The following CSGALNACT1 variants were observed in gnomAD, a reference collection of about 807,000 sequenced individuals.
CSGALNACT1 encodes chondroitin sulfate N-acetylgalactosaminyltransferase 1.
CSGALNACT1 carries 52 observed loss-of-function variants against 51.0 expected under a neutral mutation model. The ratio of observed to expected loss-of-function variants is 1.02; its 90% CI spans 0.82 to 1.29. The LOEUF is 1.29. CSGALNACT1 is among the 50% of genes most tolerant of loss of function. The probability of loss-of-function intolerance (pLI) is 0.00; values close to 1 mark genes in which losing one functional copy is unlikely to be tolerated. For synonymous variants in CSGALNACT1, 341 were observed against 254.4 expected (o/e 1.34, Z -3.24); for missense variants, 935 against 679.2 (o/e 1.38, Z -4.19).
chr8:19,574,546 C>T (rs1194940754), intron 3 of CSGALNACT1, among the ~76,000 whole-genome samples: 1 of 152,180 alleles, frequency 6.6e-6, no homozygotes, highest in Non-Finnish European at 1.5e-5. Flanking sequence ...TGGACAGTAA[C>T]AGGGCAGCCA....
intron 1 of CSGALNACT1, among the ~76,000 whole-genome samples, chr8:19,721,620 C>G (rs1027697537): frequency 6.6e-6 from 1 of 152,156 alleles, no homozygotes; most frequent in African/African-American, 2.4e-5. Context: ...TGGGCCACTT[C>G]ACACTAAAAT....
chr8:19,557,796 C>G (rs1325361738), intron 3 of CSGALNACT1, among the ~76,000 whole-genome samples: 1 of 152,126 alleles, frequency 6.6e-6, no homozygotes, highest in Non-Finnish European at 1.5e-5. Flanking sequence ...TTGTCAATCT[C>G]CTATCCTGAA....
At chr8:19,707,893 T>C (rs1321981878) in intron 1 of CSGALNACT1, among the ~76,000 whole-genome samples, 1 of 152,002 alleles carries the variant, frequency 6.6e-6, no homozygotes, top group Non-Finnish European at 1.5e-5. Flanking sequence ...CCCAGCTACT[T>C]GGGAGGCTAA....
intron 1 of CSGALNACT1, among the ~76,000 whole-genome samples, chr8:19,627,508 TAC>T (rs1340597722): frequency 6.6e-6 from 1 of 151,880 alleles, no homozygotes; most frequent in African/African-American, 2.4e-5. Context: ...CATAAAACTA[TAC>T]ACACACACAA....
At chr8:19,429,934 A>C (rs1322096847) in intron 6 of CSGALNACT1, among the ~76,000 whole-genome samples, 1 of 152,146 alleles carries the variant, frequency 6.6e-6, no homozygotes, top group African/African-American at 2.4e-5. Flanking sequence ...TGTAGTTTGC[A>C]TTGTAGGTTT....
chr8:19,570,793 G>A (rs1403591621), intron 3 of CSGALNACT1, among the ~76,000 whole-genome samples: 3 of 152,176 alleles, frequency 2.0e-5, no homozygotes, highest in African/African-American at 4.8e-5. Context: ...CCAGCTACTT[G>A]GGAGGCTGAA....
intron 3 of CSGALNACT1, among the ~76,000 whole-genome samples, chr8:19,552,506 A>C (rs1272541932): frequency 6.6e-6 from 1 of 152,056 alleles, no homozygotes; most frequent in African/African-American, 2.4e-5. Flanking sequence ...TTTTTTGTCT[A>C]ATAGAAACAT....
chr8:19,418,626 CACAGAGCCAT>C lies in CSGALNACT1; in HGVS notation c.1227+20_1227+29del. 5 of 1,454,006 alleles carry C rather than the reference CACAGAGCCAT, an allele frequency of 3.4e-6. No homozygotes were observed. Among genetic ancestry groups the C allele is most frequent in the Non-Finnish European group, 3.9e-6 (4 of 1,034,320 alleles). The allele number at this position is 1,454,006 out of a possible 1,614,324, so 90.1% of individuals were successfully genotyped here. A position where few individuals can be genotyped will look rare whatever the true frequency, so the allele number is the denominator to read the frequency against. On this transcript the variant is annotated intron_variant, in intron 8 of 9. Coordinates refer to ENST00000454498, the Ensembl canonical transcript of CSGALNACT1. ...TAATGACAGACACTAAACAGAGCCA[CACAGAGCCAT>C]CTGCAGGGTAATTACTCACCAGCTG...
chr8:19,681,511 C>A (rs1301838110), intron 1 of CSGALNACT1, among the ~76,000 whole-genome samples: 1 of 152,184 alleles, frequency 6.6e-6, no homozygotes, highest in Non-Finnish European at 1.5e-5. Context: ...GAGGTCAGAG[C>A]AGATACAAGA....
At chr8:19,675,659 AT>A (rs1174340467) in intron 1 of CSGALNACT1, among the ~76,000 whole-genome samples, 4 of 152,018 alleles carry the variant, frequency 2.6e-5, no homozygotes, top group Non-Finnish European at 4.4e-5. Context: ...CATCCAGCTA[AT>A]TTTTTTAATT....
At chr8:19,744,016 T>C (rs2064485310) in intron 1 of CSGALNACT1, among the ~76,000 whole-genome samples, 1 of 152,226 alleles carries the variant, frequency 6.6e-6, no homozygotes, top group African/African-American at 2.4e-5. Flanking sequence ...ATGACCAGAC[T>C]ATTATTCTGA....
At chr8:19,580,061 G>C (rs1588634153) in intron 3 of CSGALNACT1, among the ~76,000 whole-genome samples, 1 of 152,192 alleles carries the variant, frequency 6.6e-6, no homozygotes, top group African/African-American at 2.4e-5. Context: ...CCTTTCTACT[G>C]CTTGCTCTTT....
chr8:19,657,076 A>G (rs571566771), intron 1 of CSGALNACT1, among the ~76,000 whole-genome samples: 83 of 151,822 alleles, frequency 5.5e-4, no homozygotes, highest in African/African-American at 1.9e-3. Context: ...AAAAAAAAAA[A>G]AAAAAAGGAA....
intron 4 of CSGALNACT1, among the ~76,000 whole-genome samples, chr8:19,497,585 G>T (rs1404721943): frequency 6.6e-6 from 1 of 152,176 alleles, no homozygotes; most frequent in East Asian, 1.9e-4. Context: ...TGGAAAAGTG[G>T]ACAACAATTA....
Position 19,580,750 on chromosome 8 carries a change from C to T in CSGALNACT1, c.-297+10410G>A, listed in dbSNP as rs115219465. Among the ~76,000 whole-genome samples the T allele has an allele frequency of 9.4e-3, 1,437 of 152,188 alleles. 21 individuals are homozygous for T. Among genetic ancestry groups the T allele is most frequent in the African/African-American group, 0.031 (1,308 of 41,526 alleles). ...CTAGATATTTTATTCATCAAAATAG[C>T]ATTTTACTATAACTACAATTACTGT... On this transcript the variant is annotated intron_variant, in intron 3 of 9. Transcript: ENST00000454498.
chr8:19,562,998 T>G (rs1169797685), intron 3 of CSGALNACT1, among the ~76,000 whole-genome samples: 1 of 152,170 alleles, frequency 6.6e-6, no homozygotes, highest in Non-Finnish European at 1.5e-5. Context: ...TACAGTACTA[T>G]TCACAATAGC....
Position 19,440,209 on chromosome 8 carries a change from G to A in CSGALNACT1, c.852-278C>T, listed in dbSNP as rs543363378. Among the ~76,000 whole-genome samples the A allele has an allele frequency of 7.2e-5, 11 of 152,256 alleles. 1 individual carries two copies. In the South Asian group the frequency reaches 1.2e-3, roughly 17 times the overall value. ...CAATCTGCCACAGTCCTAGCCCACC[G>A]GGCCTAGACAGTGTCATGGAATTGG... On this transcript the variant is annotated intron_variant, in intron 5 of 9. Coordinates refer to ENST00000454498, the Ensembl canonical transcript of CSGALNACT1.
At chr8:19,689,917 G>C (rs748442457) in intron 1 of CSGALNACT1, among the ~76,000 whole-genome samples, 1 of 152,166 alleles carries the variant, frequency 6.6e-6, no homozygotes, top group Non-Finnish European at 1.5e-5. Flanking sequence ...TCCTGCTCAA[G>C]CCACCTTTTA....
intron 1 of CSGALNACT1, among the ~76,000 whole-genome samples, chr8:19,633,414 A>C (rs142259055): frequency 6.6e-6 from 1 of 152,342 alleles, no homozygotes; most frequent in African/African-American, 2.4e-5. Context: ...AAGATATGTT[A>C]AAGTCTCAGC....
Sources: gnomAD v4.1 joint callset for allele counts (sites outside exome capture counted in the v4.1 genomes callset) on GRCh38, gnomAD v4.1.1 for gene constraint, MANE v1.5 for transcripts, NCBI Gene and HGNC (gene_info 2026-07-23, HGNC 2026-07-21) for gene names.